SYN3: variants seen among roughly 807,000 people sequenced by gnomAD.
SYN3 encodes the protein synapsin-3.
In SYN3, 35 loss-of-function variants were observed where a neutral mutation model predicts 65.8. That is an observed-to-expected ratio of 0.53 (90% confidence interval 0.41 to 0.70). SYN3 has a LOEUF of 0.70. Among genes scored for constraint, SYN3 ranks in the 30% least tolerant of loss-of-function variants. The probability of loss-of-function intolerance (pLI) is 0.00; values close to 1 mark genes in which losing one functional copy is unlikely to be tolerated. For synonymous variants in SYN3, 270 were observed against 292.9 expected, an observed-to-expected ratio of 0.92 and a Z score of 0.80; for missense variants, 680 against 749.0, an observed-to-expected ratio of 0.91 and a Z score of 1.08.
At chr22:32,807,371 TATATATAA>T (rs2046782054) in intron 6 of SYN3, among the ~76,000 whole-genome samples, 1 of 111,228 alleles carries the variant, frequency 9.0e-6, no homozygotes, top group Non-Finnish European at 1.7e-5. Flanking sequence ...TAATATATAT[TATATATAA>T]TATATATTAT....
Position 32,508,891 on chromosome 22 carries a change from T to C in SYN3, c.*4801A>G, listed in dbSNP as rs924244708. On this transcript the variant is annotated 3_prime_UTR_variant, in exon 14 of 14. Coordinates refer to ENST00000358763, the MANE Select transcript of SYN3 (RefSeq NM_003490.4). ...CCAGATGAGAACTTCCAGAAGGCAG[T>C]TGATGTTCAGTTTTATGGGGTTTGC... Among the ~76,000 whole-genome samples the C allele has an allele frequency of 1.3e-5, 2 of 152,178 alleles. No homozygotes were observed. Among genetic ancestry groups the C allele is most frequent in the African/African-American group, 2.4e-5 (1 of 41,444 alleles).
chr22:32,901,536 A>T (rs1018786236), intron 4 of SYN3, among the ~76,000 whole-genome samples: 2 of 152,016 alleles, frequency 1.3e-5, no homozygotes, highest in African/African-American at 4.8e-5. Flanking sequence ...CTTGTCTTGG[A>T]GCTCCTCTCA....
chr22:33,005,349 A>G (rs1246502823), intron 2 of SYN3, among the ~76,000 whole-genome samples: 1 of 152,192 alleles, frequency 6.6e-6, no homozygotes, highest in African/African-American at 2.4e-5. Flanking sequence ...CAATGCTTCC[A>G]TCTCCATAGT....
At position 32,997,765 on chromosome 22, in the gene SYN3, G is replaced by A. The variant is rs192507042; in HGVS notation, c.311+8587C>T. On this transcript the variant is annotated intron_variant, in intron 2 of 13. Transcript: ENST00000358763. ...CCACCGGCCGGGCGCGGTGGCTCAC[G>A]TCTGTAACCCCAGCACGTTGGGAGG... 1.9e-4 allele frequency among the ~76,000 whole-genome samples: 29 copies of A among 152,170 alleles called. No homozygotes were observed. In the East Asian group the frequency reaches 3.7e-3, roughly 19 times the overall value.
chr22:32,878,118 A>C (rs1008268093), intron 4 of SYN3, among the ~76,000 whole-genome samples: 19 of 152,126 alleles, frequency 1.2e-4, no homozygotes, highest in African/African-American at 4.3e-4. Flanking sequence ...CGTGTGCACA[A>C]TCACCGTGCA....
chr22:32,709,886 A>G (rs1217732707), intron 6 of SYN3, among the ~76,000 whole-genome samples: 1 of 152,014 alleles, frequency 6.6e-6, no homozygotes, highest in African/African-American at 2.4e-5. Context: ...CATTGGACAT[A>G]TGCTGGTTTA....
intron 6 of SYN3, among the ~76,000 whole-genome samples, chr22:32,613,446 T>C (rs1004145721): frequency 6.6e-6 from 1 of 152,200 alleles, no homozygotes; most frequent in Non-Finnish European, 1.5e-5. Flanking sequence ...TCTTATGCCA[T>C]GGCTAACTTT....
chr22:32,896,252 C>T (rs899297218), intron 4 of SYN3, among the ~76,000 whole-genome samples: 15 of 152,044 alleles, frequency 9.9e-5, no homozygotes, highest in African/African-American at 2.9e-4. Flanking sequence ...GTCAGCAGTT[C>T]GAGAGCAGCC....
At chr22:32,709,908 G>C (rs1264946483) in intron 6 of SYN3, among the ~76,000 whole-genome samples, 2 of 151,396 alleles carry the variant, frequency 1.3e-5, no homozygotes, top group African/African-American at 4.9e-5. Flanking sequence ...TTCACTAATC[G>C]GATTACTGTA....
chr22:32,812,134 C>T (rs1375282743), intron 6 of SYN3, among the ~76,000 whole-genome samples: 1 of 152,134 alleles, frequency 6.6e-6, no homozygotes, highest in African/African-American at 2.4e-5. Flanking sequence ...GATATTGGCT[C>T]TATGTGGTGT....
intron 6 of SYN3, among the ~76,000 whole-genome samples, chr22:32,807,992 G>C (rs556483923): frequency 3.1e-4 from 47 of 151,692 alleles, no homozygotes; most frequent in Non-Finnish European, 6.5e-4. Context: ...CCTTCTTTTT[G>C]TCTCTTTGAA....
chr22:32,589,929 G>C (rs771102575), intron 7 of SYN3, among the ~76,000 whole-genome samples: 2 of 152,114 alleles, frequency 1.3e-5, no homozygotes, highest in Non-Finnish European at 2.9e-5. Flanking sequence ...TAGGTGCAGG[G>C]CTCTTGTTTT....
chr22:32,761,169 T>A (rs888544399), intron 6 of SYN3, among the ~76,000 whole-genome samples: 2 of 152,178 alleles, frequency 1.3e-5, no homozygotes, highest in Non-Finnish European at 2.9e-5. Flanking sequence ...TCAGTTCTAG[T>A]GTTAACCTTG....
At chr22:32,921,214 G>T (rs2050326878) in intron 4 of SYN3, among the ~76,000 whole-genome samples, 1 of 152,168 alleles carries the variant, frequency 6.6e-6, no homozygotes, top group African/African-American at 2.4e-5. Context: ...CTGGAACATA[G>T]TAGGTCCTTA....
intron 6 of SYN3, among the ~76,000 whole-genome samples, chr22:32,792,396 A>G (rs2046342756): frequency 6.6e-6 from 1 of 152,184 alleles, no homozygotes; most frequent in Non-Finnish European, 1.5e-5. Context: ...GATTTACTCA[A>G]GGTCACACAG....
At chr22:32,962,050 C>A (rs1569359941) in intron 3 of SYN3, among the ~76,000 whole-genome samples, 1 of 150,428 alleles carries the variant, frequency 6.6e-6, no homozygotes, top group East Asian at 1.9e-4. Context: ...CCTACTGAGG[C>A]AGCAAAAAAA....
Position 32,539,337 on chromosome 22 carries a change from G to C in SYN3, c.918-1227C>G, listed in dbSNP as rs572989933. 2.6e-5 allele frequency among the ~76,000 whole-genome samples: 4 copies of C among 152,228 alleles called. 1 individual carries two copies. Among genetic ancestry groups the C allele is most frequent in the African/African-American group, 7.2e-5 (3 of 41,534 alleles). ...AAAAAAGTGGAATAGATGGTGGATG[G>C]GGGAGCTGGATTTTTCTCTGTTGGA... On this transcript the variant is annotated intron_variant, in intron 8 of 13. Coordinates refer to ENST00000358763, the MANE Select transcript of SYN3 (RefSeq NM_003490.4).
intron 6 of SYN3, among the ~76,000 whole-genome samples, chr22:32,848,709 T>C (rs554215753): frequency 6.6e-6 from 1 of 152,342 alleles, no homozygotes; most frequent in South Asian, 2.1e-4. Flanking sequence ...TTAGTATCAT[T>C]ATGATTCCTG....
At chr22:32,826,521 G>A (rs1450316322) in intron 6 of SYN3, among the ~76,000 whole-genome samples, 3 of 152,010 alleles carry the variant, frequency 2.0e-5, no homozygotes, top group South Asian at 4.2e-4. Context: ...AGATAACCTC[G>A]GTCCTATTTT....
Sources: allele counts gnomAD v4.1 joint callset (sites outside exome capture counted in the v4.1 genomes callset), GRCh38; gene constraint gnomAD v4.1.1; transcripts MANE v1.5; gene names NCBI Gene and HGNC (gene_info 2026-07-23, HGNC 2026-07-21).